MGST1: variants seen among roughly 807,000 people sequenced by gnomAD.
MGST1 encodes the protein microsomal glutathione S-transferase 1, also known as glutathione S-transferase 12.
In MGST1, 5 loss-of-function variants were observed where a neutral mutation model predicts 8.9. The ratio of observed to expected loss-of-function variants is 0.56; its 90% confidence interval spans 0.29 to 1.19. The LOEUF is 1.19. Ranked by LOEUF, MGST1 falls within the 50% of genes most tolerant of loss-of-function variation. The probability of loss-of-function intolerance (pLI) is 0.08; values close to 1 mark genes in which losing one functional copy is unlikely to be tolerated. For synonymous variants in MGST1, 54 were observed against 67.8 expected, an observed-to-expected ratio of 0.80 and a Z score of 1.00; for missense variants, 182 against 187.4, an observed-to-expected ratio of 0.97 and a Z score of 0.17.
intron 1 of MGST1, chr12:16,400,992 G>C (rs1322627471): frequency 4.0e-6 from 6 of 1,499,512 alleles, no homozygotes; most frequent in Non-Finnish European, 4.6e-6. Flanking sequence ...AGTTCTTTTT[G>C]ATGTGCTCTT....
At chr12:16,412,264 G>A (rs1254232498) in intron 1 of MGST1, among the ~76,000 whole-genome samples, 1 of 151,964 alleles carries the variant, frequency 6.6e-6, no homozygotes, top group Non-Finnish European at 1.5e-5. Context: ...TGTAGAGGAT[G>A]GTAATACCTA....
At chr12:16,423,867 T>C (rs1940863265) in intron 1 of MGST1, among the ~76,000 whole-genome samples, 1 of 152,226 alleles carries the variant, frequency 6.6e-6, no homozygotes, top group Admixed American at 6.5e-5. Context: ...CCCTTTCTGC[T>C]ATGATTCCCA....
intron 4 of MGST1, among the ~76,000 whole-genome samples, chr12:16,562,486 A>G (rs944151263): frequency 2.0e-5 from 3 of 152,178 alleles, no homozygotes; most frequent in Non-Finnish European, 4.4e-5. Context: ...CCCCATTTCA[A>G]TTGCTCTCGC....
exon 1 of MGST1, chr12:16,383,414 A>C (rs939051537): frequency 4.6e-5 from 7 of 151,934 alleles, no homozygotes; most frequent in African/African-American, 1.4e-4. Flanking sequence ...TACATGGTAA[A>C]AATTTATATA....
downstream of MGST1, among the ~76,000 whole-genome samples, chr12:16,365,726 C>A (rs1308318471): frequency 7.6e-6 from 1 of 132,162 alleles, no homozygotes; most frequent in Non-Finnish European, 1.6e-5. Context: ...TGTGCATGAA[C>A]ATGCACGCGT....
At position 16,372,806 on chromosome 12, in the gene MGST1, G is replaced by A. The variant is rs148462411; in HGVS notation, c.222-3316G>A. On this transcript the variant is annotated intron_variant, in intron 3 of 3. Transcript: ENST00000535309. The stretch of plus-strand genomic sequence containing the variant: ...CAACAGGTGGATGGATAAAGAAGAT[G>A]GGATGTGTGTGTGTATAATATAATA... Among the ~76,000 whole-genome samples, 23 of 150,430 alleles carry A rather than the reference G, an allele frequency of 1.5e-4. No individual in the cohort carries two copies. In the East Asian group the frequency reaches 4.3e-3, roughly 28 times the overall value.
intron 4 of MGST1, among the ~76,000 whole-genome samples, chr12:16,578,520 A>G (rs1943061941): frequency 6.6e-6 from 1 of 152,036 alleles, no homozygotes; most frequent in South Asian, 2.1e-4. Context: ...AAAGTATTAA[A>G]ATAAAAATCA....
chr12:16,497,360 A>G lies in MGST1; in HGVS notation n.483-92168A>G, dbSNP rs1370784584. Among the ~76,000 whole-genome samples, 4 of 152,160 alleles carry G rather than the reference A, an allele frequency of 2.6e-5. No individual in the cohort carries two copies. The highest frequency in any genetic ancestry group is 2.1e-4 in the South Asian group (1 of 4,832). ...AGTGTTAATCAAGCAAAAACAAGCT[A>G]GGGAAGCAACAGCAGCAAATGGAAA... On this transcript the variant is annotated intron_variant and non_coding_transcript_variant, in intron 4 of 4. Transcript: ENST00000538857. This position sits in a 1 kb window ranked among gnomAD's most constrained non-coding sequence, Gnocchi z 4.4.
intron 1 of MGST1, among the ~76,000 whole-genome samples, chr12:16,415,538 A>G (rs1202407731): frequency 6.6e-6 from 1 of 152,212 alleles, no homozygotes; most frequent in Non-Finnish European, 1.5e-5. Context: ...CTTTGCAGTG[A>G]CCCACTTCTA....
chr12:16,364,233 G>C lies in MGST1; in HGVS notation c.*192G>C. The C allele has an allele frequency of 7.8e-7, 1 of 1,275,074 alleles. No individual in the cohort carries two copies. Among genetic ancestry groups the C allele is most frequent in the Non-Finnish European group, 9.9e-7 (1 of 1,009,584 alleles). 79.0% of individuals were successfully genotyped at this position (1,275,074 alleles called of 1,614,324 possible). ...ACATTTGGATTAGAAATTTAACATA[G>C]TAATTCTTAAGTCTTTTGTCTGATT... On this transcript the variant is annotated 3_prime_UTR_variant, in exon 4 of 4. Transcript: ENST00000396210. This position sits in a 1 kb window ranked among gnomAD's most constrained non-coding sequence, Gnocchi z 5.7.
intron 4 of MGST1, among the ~76,000 whole-genome samples, chr12:16,479,530 G>GTATCTTTTAGAGTAGTTCTA (rs1941350346): frequency 1.1e-5 from 1 of 92,538 alleles, no homozygotes; most frequent in African/African-American, 4.4e-5. Flanking sequence ...CACTGCGCCC[G>GTATCTTTTAGAGTAGTTCTA]GCCTCTTTTT....
intron 4 of MGST1, among the ~76,000 whole-genome samples, chr12:16,469,918 G>A (rs184934198): frequency 2.9e-4 from 44 of 152,280 alleles, no homozygotes; most frequent in African/African-American, 9.6e-4. Context: ...AGTAAATTGA[G>A]GAAAGAGATT....
At chr12:16,570,948 A>G (rs1718966213) in intron 4 of MGST1, among the ~76,000 whole-genome samples, 7 of 152,154 alleles carry the variant, frequency 4.6e-5, no homozygotes. Context: ...CAACCTATAT[A>G]AGAATCTATT....
At chr12:16,591,259 G>A (rs962622158), downstream of MGST1, among the ~76,000 whole-genome samples, 2 of 151,658 alleles carry the variant, frequency 1.3e-5, no homozygotes, top group South Asian at 4.2e-4. This position sits in a 1 kb window ranked among gnomAD's most constrained non-coding sequence, Gnocchi z 4.1. Flanking sequence ...CCCACCTCAG[G>A]GCCTTTGTAC....
In MGST1 at chr12:16,587,935, A is replaced by G. The variant is rs1328295921; in HGVS notation, n.483-1593A>G. ...AAAGAAAACCTTGATTTAATTTTAAATGAACAAAACAAGGAATATTAATTC... is the reference window on the plus strand; with the variant it reads ...AAAGAAAACCTTGATTTAATTTTAAGTGAACAAAACAAGGAATATTAATTC... On this transcript the variant is annotated intron_variant and non_coding_transcript_variant, in intron 4 of 4. Coordinates refer to the MGST1 transcript ENST00000538857. The surrounding 1 kb of genome is among the most constrained non-coding windows in gnomAD (Gnocchi z 4.3). 1.3e-5 allele frequency among the ~76,000 whole-genome samples: 2 copies of G among 152,162 alleles called. No homozygotes were observed. Among genetic ancestry groups the G allele is most frequent in the African/African-American group, 4.8e-5 (2 of 41,444 alleles).
chr12:16,402,882 G>A (rs1940669537), intron 1 of MGST1, among the ~76,000 whole-genome samples: 1 of 150,412 alleles, frequency 6.6e-6, no homozygotes, highest in African/African-American at 2.4e-5. Context: ...AAGAAGTATT[G>A]TGGGATTTAT....
intron 4 of MGST1, among the ~76,000 whole-genome samples, chr12:16,571,589 A>G (rs1209436661): frequency 2.0e-5 from 3 of 152,032 alleles, no homozygotes; most frequent in Non-Finnish European, 1.5e-5. Context: ...TCTTTATCAA[A>G]AATGTCCTGG....
intron 1 of MGST1, among the ~76,000 whole-genome samples, chr12:16,353,148 T>C (rs959373978): frequency 8.6e-5 from 13 of 151,920 alleles, no homozygotes; most frequent in East Asian, 3.9e-4. Flanking sequence ...ATTCTCCTGC[T>C]TCAGCCTCCC....
intron 1 of MGST1, among the ~76,000 whole-genome samples, chr12:16,408,072 A>G (rs902233413): frequency 3.4e-5 from 5 of 148,180 alleles, no homozygotes; most frequent in African/African-American, 1.2e-4. Flanking sequence ...AGGAACATGG[A>G]TAGAGCTGGA....
Sources: allele counts gnomAD v4.1 joint callset (sites outside exome capture counted in the v4.1 genomes callset), GRCh38; gene constraint gnomAD v4.1.1; non-coding constraint Gnocchi (gnomAD v3.1); transcripts MANE v1.5; gene names NCBI Gene and HGNC (gene_info 2026-07-23, HGNC 2026-07-21).